PPARGC1A: variants seen among roughly 807,000 people sequenced by gnomAD.
The protein encoded by PPARGC1A is peroxisome proliferator-activated receptor gamma coactivator 1-alpha.
A neutral mutation model predicts 88.7 loss-of-function variants in PPARGC1A; 25 were observed. The ratio of observed to expected loss-of-function variants is 0.28; its 90% CI spans 0.21 to 0.39. PPARGC1A has a LOEUF of 0.39. Ranked by LOEUF, PPARGC1A falls within the 10% of genes least tolerant of loss-of-function variation. The pLI, the probability that PPARGC1A is intolerant of heterozygous loss-of-function variation, is 1.00. For missense variants in PPARGC1A, 880 were observed against 968.7 expected (o/e 0.91, Z 1.22); for synonymous variants, 363 against 355.6 (o/e 1.02, Z -0.24).
chr4:24,153,853 A>G, the PPARGC1A span, among the ~76,000 whole-genome samples: 3 of 152,190 alleles, frequency 2.0e-5, no homozygotes, highest in African/African-American at 7.2e-5. Context: ...CACCAGCCCC[A>G]GAAAGGAATA....
At chr4:24,387,414 G>T in the PPARGC1A span, among the ~76,000 whole-genome samples, 1 of 152,090 alleles carries the variant, frequency 6.6e-6, no homozygotes, top group Admixed American at 6.6e-5. Context: ...AAACTAAAGA[G>T]CTTCTGCACA....
At chr4:23,913,267 T>TAGAGAGAGAGAG in the PPARGC1A span, among the ~76,000 whole-genome samples, 3 of 77,506 alleles carry the variant, frequency 3.9e-5, no homozygotes, top group African/African-American at 1.1e-4. Context: ...TATATATATA[T>TAGAGAGAGAGAG]AGAGAGAGAG....
chr4:23,941,405 T>C, the PPARGC1A span, among the ~76,000 whole-genome samples: 1 of 152,124 alleles, frequency 6.6e-6, no homozygotes. Context: ...CCAAACTATT[T>C]TGTGGGAGGG....
At chr4:24,432,943 T>C in the PPARGC1A span, among the ~76,000 whole-genome samples, 8 of 152,172 alleles carry the variant, frequency 5.3e-5, no homozygotes, top group Non-Finnish European at 1.2e-4. Context: ...TTTTGCCCCA[T>C]GGGTGTCACA....
At chr4:23,941,107 A>G in the PPARGC1A span, among the ~76,000 whole-genome samples, 1 of 152,142 alleles carries the variant, frequency 6.6e-6, no homozygotes, top group Admixed American at 6.5e-5. Context: ...CAGGAATACA[A>G]TGGTGCAGTC....
the PPARGC1A span, among the ~76,000 whole-genome samples, chr4:24,153,613 T>G: frequency 6.6e-6 from 1 of 152,336 alleles, no homozygotes; most frequent in East Asian, 1.9e-4. Context: ...TTTATTAACA[T>G]GCCAATCAGT....
At chr4:24,218,936 G>A in the PPARGC1A span, among the ~76,000 whole-genome samples, 1 of 152,070 alleles carries the variant, frequency 6.6e-6, no homozygotes, top group African/African-American at 2.4e-5. Flanking sequence ...CCTTGATTCT[G>A]CTTTGCCTGA....
the PPARGC1A span, among the ~76,000 whole-genome samples, chr4:24,453,957 G>A: frequency 3.3e-5 from 5 of 151,898 alleles, no homozygotes; most frequent in Admixed American, 1.3e-4. Context: ...CTGACCAATA[G>A]AACAAAATAG....
the PPARGC1A span, among the ~76,000 whole-genome samples, chr4:24,019,212 C>A: frequency 6.6e-6 from 1 of 152,154 alleles, no homozygotes; most frequent in Non-Finnish European, 1.5e-5. Context: ...CCAACCAAAT[C>A]TTTGGACATA....
chr4:23,915,594 CT>C, the PPARGC1A span, among the ~76,000 whole-genome samples: 1 of 152,122 alleles, frequency 6.6e-6, no homozygotes. Context: ...GGACAAGAGT[CT>C]TTTTTTGTTG....
chr4:24,027,300 G>A, the PPARGC1A span, among the ~76,000 whole-genome samples: 1 of 151,364 alleles, frequency 6.6e-6, no homozygotes, highest in African/African-American at 2.4e-5. Context: ...CATAACATGG[G>A]CTATAGAACC....
the PPARGC1A span, among the ~76,000 whole-genome samples, chr4:24,004,250 C>T: frequency 1.3e-5 from 2 of 152,120 alleles, no homozygotes; most frequent in African/African-American, 2.4e-5. Context: ...CTAAGCTTTC[C>T]CAGTTGAATA....
the PPARGC1A span, among the ~76,000 whole-genome samples, chr4:24,314,797 G>A: frequency 6.6e-6 from 1 of 152,080 alleles, no homozygotes; most frequent in Non-Finnish European, 1.5e-5. Context: ...ATTGTTGAAT[G>A]TACCAAGAGC....
chr4:24,052,041 G>A, the PPARGC1A span, among the ~76,000 whole-genome samples: 3 of 45,012 alleles, frequency 6.7e-5, no homozygotes, highest in African/African-American at 1.4e-4. Flanking sequence ...AAAGGGTAAG[G>A]GGCATCAAAA....
At chr4:23,940,871 A>G in the PPARGC1A span, among the ~76,000 whole-genome samples, 50 of 152,186 alleles carry the variant, frequency 3.3e-4, no homozygotes, top group South Asian at 9.5e-3. Flanking sequence ...TCCAGACTCT[A>G]CAAAAAAAAT....
intron 5 of PPARGC1A, among the ~76,000 whole-genome samples, chr4:23,825,698 C>A (rs573803715): frequency 6.6e-6 from 1 of 152,120 alleles, no homozygotes; most frequent in South Asian, 2.1e-4. Flanking sequence ...AAATTAGACA[C>A]TTTACTTGGA....
At chr4:23,967,882 T>C in the PPARGC1A span, among the ~76,000 whole-genome samples, 9 of 152,158 alleles carry the variant, frequency 5.9e-5, no homozygotes, top group African/African-American at 2.2e-4. Context: ...TAGGAACATA[T>C]AGCTTAGAGG....
the PPARGC1A span, among the ~76,000 whole-genome samples, chr4:24,091,924 C>T: frequency 1.9e-5 from 2 of 104,608 alleles, no homozygotes; most frequent in Admixed American, 2.1e-4. Flanking sequence ...TCTCCTTGCC[C>T]CAATACACAC....
the PPARGC1A span, among the ~76,000 whole-genome samples, chr4:24,236,681 C>G: frequency 5.4e-3 from 817 of 152,292 alleles, 6 homozygotes; most frequent in African/African-American, 0.019. Context: ...AACACATACT[C>G]ACATATCCTG....
Sources: allele counts gnomAD v4.1 joint callset (sites outside exome capture counted in the v4.1 genomes callset), GRCh38; gene constraint gnomAD v4.1.1; transcripts MANE v1.5; gene names NCBI Gene and HGNC (gene_info 2026-07-23, HGNC 2026-07-21).